KCNH5: variants seen among roughly 807,000 people sequenced by gnomAD.
The protein encoded by KCNH5 is potassium voltage-gated channel subfamily H member 5.
In KCNH5, 46 loss-of-function variants were observed where a neutral mutation model predicts 96.1. The ratio of observed to expected loss-of-function variants is 0.48; its 90% confidence interval spans 0.38 to 0.61. KCNH5 has a LOEUF of 0.61. Ranked by LOEUF, KCNH5 falls within the 20% of genes least tolerant of loss-of-function variation. The pLI is 0.00. For missense variants in KCNH5, 907 were observed against 1,225.8 expected (o/e 0.74, Z 3.88); for synonymous variants, 439 against 449.8 (o/e 0.98, Z 0.30).
chr14:63,004,587 G>A (rs922318495), intron 3 of KCNH5, among the ~76,000 whole-genome samples: 1 of 152,178 alleles, frequency 6.6e-6, no homozygotes, highest in African/African-American at 2.4e-5. Flanking sequence ...TAAATAAACA[G>A]AAATTCCACT....
chr14:62,811,626 G>A (rs141554990), intron 8 of KCNH5, among the ~76,000 whole-genome samples: 35 of 152,178 alleles, frequency 2.3e-4, no homozygotes, highest in African/African-American at 8.4e-4. Flanking sequence ...ATTTGTTGTT[G>A]TTGTTTTTAA....
At chr14:62,730,230 A>C (rs1400510364) in intron 10 of KCNH5, among the ~76,000 whole-genome samples, 1 of 152,238 alleles carries the variant, frequency 6.6e-6, no homozygotes, top group African/African-American at 2.4e-5. Flanking sequence ...ATATTTAAAA[A>C]TGAAAATACA....
At chr14:62,716,479 C>A (rs1884687818) in intron 10 of KCNH5, among the ~76,000 whole-genome samples, 1 of 152,170 alleles carries the variant, frequency 6.6e-6, no homozygotes, top group Non-Finnish European at 1.5e-5. Flanking sequence ...CCTCACTTGG[C>A]CTCCACACAC....
intron 7 of KCNH5, among the ~76,000 whole-genome samples, chr14:62,867,755 G>A (rs1268144510): frequency 1.3e-5 from 2 of 152,024 alleles, no homozygotes; most frequent in Non-Finnish European, 2.9e-5. Flanking sequence ...CTCCTCACCA[G>A]GCACTGGCCC....
chr14:63,045,387 C>T lies in KCNH5; in HGVS notation c.-201G>A. 1.7e-6 allele frequency: 1 copy of T among 599,810 alleles called. No homozygotes were observed. Among genetic ancestry groups the T allele is most frequent in the East Asian group, 2.8e-5 (1 of 35,990 alleles). The allele number at this position is 599,810 out of a possible 1,614,324, so 37.2% of individuals were successfully genotyped here. A position where few individuals can be genotyped will look rare whatever the true frequency, so the allele number is the denominator to read the frequency against. ...CTCTGGGGAGGAGGACCAGGCAGTT[C>T]ATGGTAGTAGCGCTCCCCCGGCCGC... On this transcript the variant is annotated 5_prime_UTR_variant, in exon 1 of 11. An upstream start codon of the reference 5' UTR is lost. Transcript: ENST00000322893.
At chr14:62,875,295 C>T (rs1319353736) in intron 7 of KCNH5, among the ~76,000 whole-genome samples, 28 of 151,796 alleles carry the variant, frequency 1.8e-4, no homozygotes, top group African/African-American at 6.3e-4. Context: ...CAATGCCATC[C>T]CCATCAAGCT....
At chr14:62,997,531 G>T (rs1179530735) in intron 4 of KCNH5, among the ~76,000 whole-genome samples, 1 of 152,014 alleles carries the variant, frequency 6.6e-6, no homozygotes, top group Non-Finnish European at 1.5e-5. Context: ...ACTGGTTTTT[G>T]CATGTTAAAC....
chr14:62,708,641 A>G (rs568365686), intron 10 of KCNH5, among the ~76,000 whole-genome samples, 186 bp from the exon 11 acceptor site: 112 of 152,300 alleles, frequency 7.4e-4, no homozygotes, highest in African/African-American at 2.6e-3. Flanking sequence ...TATGGATGCA[A>G]TATGGCTTAA....
chr14:62,898,588 A>C (rs1888861650), intron 7 of KCNH5, among the ~76,000 whole-genome samples: 1 of 152,156 alleles, frequency 6.6e-6, no homozygotes, highest in Non-Finnish European at 1.5e-5. Context: ...TTTTTAAAAA[A>C]ATATAACTAT....
At chr14:62,888,507 C>T (rs370128568) in intron 7 of KCNH5, among the ~76,000 whole-genome samples, 5 of 152,204 alleles carry the variant, frequency 3.3e-5, no homozygotes, top group East Asian at 3.9e-4. Context: ...AACAGATGAT[C>T]TCAAGGTTCC....
rs188719953 is a variant in KCNH5, at chr14:62,799,976, G to A, written c.1822+2353C>T. ...AGAAGAAGAGGAGGAGAAAGAAAAG[G>A]AGGAGGAGGAGGAGAAGAAGAGGAA... On this transcript the variant is annotated intron_variant, in intron 9 of 10. Coordinates refer to ENST00000322893, the MANE Select transcript of KCNH5 (RefSeq NM_139318.5). Among the ~76,000 whole-genome samples, 533 of 149,834 alleles carry A rather than the reference G, an allele frequency of 3.6e-3. 4 individuals are homozygous for A. The highest frequency in any genetic ancestry group is 0.012 in the African/African-American group (501 of 41,002).
intron 10 of KCNH5, among the ~76,000 whole-genome samples, chr14:62,752,316 A>T (rs1332077769): frequency 1.3e-5 from 2 of 152,024 alleles, no homozygotes; most frequent in Non-Finnish European, 2.9e-5. Flanking sequence ...TCTGCTTGAG[A>T]AGAGGAGAGA....
intron 7 of KCNH5, among the ~76,000 whole-genome samples, chr14:62,922,264 A>T (rs979022555): frequency 2.0e-5 from 3 of 152,086 alleles, no homozygotes; most frequent in South Asian, 2.1e-4. Context: ...CTACATCTAC[A>T]TCTTTATCTG....
intron 4 of KCNH5, among the ~76,000 whole-genome samples, chr14:62,996,947 G>A (rs972579513): frequency 2.6e-5 from 4 of 152,182 alleles, no homozygotes; most frequent in African/African-American, 7.2e-5. Flanking sequence ...GTATGAAAAT[G>A]TTAGGTCACA....
chr14:62,757,864 A>G (rs938590336), intron 10 of KCNH5, among the ~76,000 whole-genome samples: 8 of 152,096 alleles, frequency 5.3e-5, no homozygotes, highest in Non-Finnish European at 1.0e-4. Flanking sequence ...AAATAGTTAC[A>G]GCCGAGGGTG....
intron 7 of KCNH5, among the ~76,000 whole-genome samples, chr14:62,857,018 G>T (rs1887943380): frequency 6.6e-6 from 1 of 152,066 alleles, no homozygotes; most frequent in Non-Finnish European, 1.5e-5. Context: ...GACACAGCAG[G>T]ATCACTTTTG....
rs541816319 is a variant in KCNH5 at position 62,818,231 on chromosome 14, C to T, written c.1570-15650G>A. ...TGACTGTAATTAATAATAACTGTCA[C>T]GACACACACAGAGAACAAAGGTAAC... is the stretch of plus-strand genomic sequence containing the variant. On this transcript the variant is annotated intron_variant, in intron 8 of 10. Transcript: ENST00000322893. Among the ~76,000 whole-genome samples the T allele has an allele frequency of 7.9e-5, 12 of 151,380 alleles. No homozygotes were observed. In the South Asian group the frequency reaches 1.7e-3, roughly 21 times the overall value.
At chr14:62,961,085 C>T (rs1890197057) in intron 6 of KCNH5, among the ~76,000 whole-genome samples, 1 of 152,026 alleles carries the variant, frequency 6.6e-6, no homozygotes, top group African/African-American at 2.4e-5. Context: ...GGTGTATTGC[C>T]TAAAGCCCTG....
At chr14:62,876,435 G>T (rs1888374190) in intron 7 of KCNH5, among the ~76,000 whole-genome samples, 1 of 152,104 alleles carries the variant, frequency 6.6e-6, no homozygotes, top group Non-Finnish European at 1.5e-5. Flanking sequence ...GGATATGATT[G>T]CACAAATAGA....
Sources: gnomAD v4.1 joint callset for allele counts (sites outside exome capture counted in the v4.1 genomes callset) on GRCh38, gnomAD v4.1.1 for gene constraint, MANE v1.5 for transcripts, NCBI Gene and HGNC (gene_info 2026-07-23, HGNC 2026-07-21) for gene names.